The following USH2A variants were observed in gnomAD, a reference collection of about 807,000 sequenced individuals.
The protein encoded by USH2A is usherin.
Under a neutral mutation model 538.9 loss-of-function variants are expected in USH2A, and 443 were observed. The ratio of observed to expected loss-of-function variants is 0.82; its 90% confidence interval spans 0.76 to 0.89. USH2A has a LOEUF of 0.89. USH2A is among the 40% of genes least tolerant of loss of function. The pLI, the probability that USH2A is intolerant of heterozygous loss-of-function variation, is 0.00. For missense variants in USH2A, 6,633 were observed against 6,324.8 expected (o/e 1.05, Z -1.65); for synonymous variants, 2,413 against 2,273.5 (o/e 1.06, Z -1.75).
At chr1:215,900,371 T>C (rs1665462013) in intron 39 of USH2A, among the ~76,000 whole-genome samples, 154 bp from the exon 40 acceptor site, 1 of 152,220 alleles carries the variant, frequency 6.6e-6, no homozygotes, top group South Asian at 2.1e-4. Context: ...TTAAAATAAG[T>C]AGCCATTGGC....
intron 21 of USH2A, among the ~76,000 whole-genome samples, chr1:216,138,474 A>G (rs1322800700): frequency 6.6e-6 from 1 of 152,176 alleles, no homozygotes. Flanking sequence ...ATAAGCTTCA[A>G]TTAATTTTAT....
intron 55 of USH2A, among the ~76,000 whole-genome samples, chr1:215,772,112 AT>A (rs1176228140): frequency 3.3e-5 from 5 of 152,198 alleles, no homozygotes; most frequent in Non-Finnish European, 5.9e-5. Flanking sequence ...ATTTGCTGTC[AT>A]TTTAAGTAAG....
chr1:216,397,718 C>T (rs2039235489), intron 3 of USH2A, among the ~76,000 whole-genome samples: 1 of 152,256 alleles, frequency 6.6e-6, no homozygotes, highest in African/African-American at 2.4e-5. Flanking sequence ...CTCAGGCTTT[C>T]AGCCTTAGAC....
At chr1:215,838,526 T>G (rs1663592237) in intron 46 of USH2A, among the ~76,000 whole-genome samples, 1 of 152,174 alleles carries the variant, frequency 6.6e-6, no homozygotes, top group Non-Finnish European at 1.5e-5. Flanking sequence ...GTAAAACAAA[T>G]AGCCTAAATG....
intron 44 of USH2A, among the ~76,000 whole-genome samples, chr1:215,848,928 A>G (rs11579842): frequency 0.036 from 5,483 of 152,302 alleles, 170 homozygotes; most frequent in East Asian, 0.15. Context: ...TCAGTGAACC[A>G]TCTAAGAAAC....
chr1:216,236,594 T>C (rs1002312226), intron 13 of USH2A, among the ~76,000 whole-genome samples: 1 of 152,118 alleles, frequency 6.6e-6, no homozygotes, highest in African/African-American at 2.4e-5. Flanking sequence ...TCCTCTAAAA[T>C]ATGAGATGAT....
intron 11 of USH2A, among the ~76,000 whole-genome samples, chr1:216,277,910 G>T (rs555087004): frequency 2.0e-5 from 3 of 152,208 alleles, no homozygotes; most frequent in African/African-American, 7.2e-5. Flanking sequence ...ATCCAACAAG[G>T]AGGTAGGAAC....
intron 4 of USH2A, among the ~76,000 whole-genome samples, chr1:216,345,409 C>G (rs2038155776): frequency 6.6e-6 from 1 of 152,050 alleles, no homozygotes; most frequent in Non-Finnish European, 1.5e-5. Flanking sequence ...GCAGCTTGGC[C>G]CCCAGGGCTA....
At chr1:215,710,770 A>G (rs1659317846) in intron 61 of USH2A, among the ~76,000 whole-genome samples, 1 of 152,142 alleles carries the variant, frequency 6.6e-6, no homozygotes, top group African/African-American at 2.4e-5. Flanking sequence ...TTGCTGCCAG[A>G]TGTAGACCCT....
chr1:216,409,379 A>C (rs1049530018), intron 3 of USH2A, among the ~76,000 whole-genome samples: 3 of 152,106 alleles, frequency 2.0e-5, no homozygotes, highest in Non-Finnish European at 4.4e-5. Flanking sequence ...CTAGAAAAAA[A>C]CTTTTTAAAT....
At chr1:215,979,677 C>G (rs1667704439) in intron 35 of USH2A, among the ~76,000 whole-genome samples, 1 of 151,936 alleles carries the variant, frequency 6.6e-6, no homozygotes, top group Non-Finnish European at 1.5e-5. Flanking sequence ...GAAGAAATAT[C>G]TTTAGCAGTT....
intron 4 of USH2A, among the ~76,000 whole-genome samples, chr1:216,333,993 G>A (rs1181063150): frequency 6.6e-6 from 1 of 152,014 alleles, no homozygotes; most frequent in Non-Finnish European, 1.5e-5. Flanking sequence ...TAGGATATTA[G>A]AGAGCAATGT....
intron 20 of USH2A, among the ~76,000 whole-genome samples, chr1:216,176,292 C>A (rs1279597631): frequency 2.0e-5 from 3 of 151,816 alleles, no homozygotes; most frequent in Non-Finnish European, 4.4e-5. Flanking sequence ...TGGCTATGCA[C>A]AGGCATAATG....
chr1:216,225,661 C>G (rs936965121), intron 14 of USH2A, among the ~76,000 whole-genome samples: 1 of 152,198 alleles, frequency 6.6e-6, no homozygotes, highest in African/African-American at 2.4e-5. Flanking sequence ...AGAGCCAATT[C>G]TGCCAAACCT....
Position 215,623,478 on chromosome 1 carries a change from C to G in USH2A, c.*2303G>C, listed in dbSNP as rs890712670. 7.3e-5 allele frequency: 11 copies of G among 151,298 alleles called. No individual in the cohort carries two copies. Among genetic ancestry groups the G allele is most frequent in the African/African-American group, 2.7e-4 (11 of 41,420 alleles). 9.4% of individuals were successfully genotyped at this position (151,298 alleles called of 1,614,324 possible). A position where few individuals can be genotyped will look rare whatever the true frequency, so the allele number is the denominator to read the frequency against. ...CCCCAGATCAACCGAATCAGAATCT[C>G]TAGAGGCGAGTCTGCATGGTTTGTA... On this transcript the variant is annotated 3_prime_UTR_variant, in exon 72 of 72. Transcript: ENST00000307340.
intron 47 of USH2A, among the ~76,000 whole-genome samples, chr1:215,820,158 T>C (rs1031012658): frequency 3.3e-5 from 5 of 151,810 alleles, no homozygotes; most frequent in East Asian, 1.9e-4. Flanking sequence ...ATAACTGTTA[T>C]AGTTTTTTTT....
rs541019204 is a variant in USH2A at position 215,988,138 on chromosome 1, C to T, written c.6805+4882G>A. Among the ~76,000 whole-genome samples, 30 of 151,946 alleles carry T rather than the reference C, an allele frequency of 2.0e-4. No individual in the cohort carries two copies. In the South Asian group the frequency reaches 3.1e-3, roughly 16 times the overall value. On this transcript the variant is annotated intron_variant, in intron 35 of 71. Transcript: ENST00000307340. ...GTGCAACAGAGTTGTAGAACTTTTT[C>T]GTCTTGGAAAACTGAAGCTCTAAAC...
rs116799950 is a variant in USH2A at position 216,290,173 on chromosome 1, A to G, written c.1841-763T>C. ...ATAAGCTGAAGTAGAACTCAAGACT[A>G]TCAATTCCCCCTTTAAACATGATGT... On this transcript the variant is annotated intron_variant, in intron 10 of 71. Coordinates refer to ENST00000307340, the MANE Select transcript of USH2A (RefSeq NM_206933.4). Among the ~76,000 whole-genome samples, 24 of 152,268 alleles carry G rather than the reference A, an allele frequency of 1.6e-4. No homozygotes were observed. The Middle Eastern group carries it at 0.017, about 109-fold the overall frequency.
At chr1:215,875,739 T>A (rs921313670) in intron 43 of USH2A, among the ~76,000 whole-genome samples, 1 of 151,572 alleles carries the variant, frequency 6.6e-6, no homozygotes, top group Non-Finnish European at 1.5e-5. Flanking sequence ...TCTATTTATT[T>A]TTTGAAATAG....
Sources: allele counts gnomAD v4.1 joint callset (sites outside exome capture counted in the v4.1 genomes callset), GRCh38; gene constraint gnomAD v4.1.1; transcripts MANE v1.5; gene names NCBI Gene and HGNC (gene_info 2026-07-23, HGNC 2026-07-21).